The following RPS6KC1 variants were observed in gnomAD, a reference collection of about 807,000 sequenced individuals.
The protein encoded by RPS6KC1 is ribosomal protein S6 kinase C1, also known as inactive ribosomal protein S6 kinase delta-1.
In RPS6KC1, 54 loss-of-function variants were observed where a neutral mutation model predicts 103.8. That is an observed-to-expected ratio of 0.52 (90% CI 0.42 to 0.65). RPS6KC1 has a LOEUF of 0.65. RPS6KC1 is among the 30% of genes least tolerant of loss of function. RPS6KC1 has a pLI of 0.00. For synonymous variants in RPS6KC1, 439 were observed against 438.7 expected (o/e 1.00, Z -0.01); for missense variants, 1,151 against 1,253.8 (o/e 0.92, Z 1.24).
At chr1:213,338,582 T>C in the RPS6KC1 span, among the ~76,000 whole-genome samples, 2 of 152,140 alleles carry the variant, frequency 1.3e-5, no homozygotes, top group South Asian at 4.2e-4. Flanking sequence ...ATTATTTTCT[T>C]CTCCAAAAGA....
the RPS6KC1 span, among the ~76,000 whole-genome samples, chr1:213,310,441 CT>C: frequency 2.5e-4 from 38 of 151,890 alleles, no homozygotes; most frequent in Non-Finnish European, 3.7e-4. Context: ...GGCCTTTGCA[CT>C]TTTTTTTTCC....
chr1:213,856,236 C>T, the RPS6KC1 span, among the ~76,000 whole-genome samples: 1 of 151,958 alleles, frequency 6.6e-6, no homozygotes, highest in African/African-American at 2.4e-5. Flanking sequence ...GTGTCGGGTC[C>T]CTGTTAGACA....
At chr1:213,823,721 C>G in the RPS6KC1 span, among the ~76,000 whole-genome samples, 2 of 87,980 alleles carry the variant, frequency 2.3e-5, no homozygotes, top group Non-Finnish European at 5.1e-5. Context: ...TGTTGGCTAT[C>G]ACAGCCACAC....
the RPS6KC1 span, among the ~76,000 whole-genome samples, chr1:213,637,768 G>A: frequency 6.6e-6 from 1 of 151,914 alleles, no homozygotes; most frequent in Non-Finnish European, 1.5e-5. Context: ...TTTTATTTTA[G>A]CCATTCTAAT....
At chr1:213,687,449 G>C in the RPS6KC1 span, among the ~76,000 whole-genome samples, 2 of 152,046 alleles carry the variant, frequency 1.3e-5, no homozygotes, top group African/African-American at 4.8e-5. Context: ...CTTTTTAACA[G>C]CTTAAACACC....
chr1:213,631,018 G>A, the RPS6KC1 span, among the ~76,000 whole-genome samples: 1 of 152,164 alleles, frequency 6.6e-6, no homozygotes, highest in Non-Finnish European at 1.5e-5. Flanking sequence ...GCCAGGTGTG[G>A]GATATAATCT....
At chr1:213,769,016 G>A in the RPS6KC1 span, among the ~76,000 whole-genome samples, 2 of 152,200 alleles carry the variant, frequency 1.3e-5, no homozygotes, top group African/African-American at 2.4e-5. Context: ...CAACAAAAGC[G>A]GCAGGGACCT....
the RPS6KC1 span, among the ~76,000 whole-genome samples, chr1:213,495,789 A>G: frequency 2.6e-5 from 4 of 152,228 alleles, no homozygotes; most frequent in African/African-American, 9.6e-5. Context: ...TAACTCCAAA[A>G]TTAAGGAATA....
chr1:213,597,703 G>A, the RPS6KC1 span, among the ~76,000 whole-genome samples: 1 of 152,270 alleles, frequency 6.6e-6, no homozygotes, highest in Admixed American at 6.5e-5. Flanking sequence ...GCTTCTAAAC[G>A]CTTTAGGAGT....
the RPS6KC1 span, among the ~76,000 whole-genome samples, chr1:213,845,270 A>C: frequency 6.6e-6 from 1 of 152,020 alleles, no homozygotes; most frequent in African/African-American, 2.4e-5. Context: ...TCCCCCTTCT[A>C]CCCCAAAGTT....
At chr1:213,579,184 C>T in the RPS6KC1 span, among the ~76,000 whole-genome samples, 1 of 152,086 alleles carries the variant, frequency 6.6e-6, no homozygotes. Context: ...TTTTGCTCCT[C>T]CTTTGCCTTC....
chr1:213,332,361 C>G, the RPS6KC1 span, among the ~76,000 whole-genome samples: 788 of 152,304 alleles, frequency 5.2e-3, 6 homozygotes, highest in African/African-American at 0.018. Context: ...AATACCTTTT[C>G]TGCACTAGCT....
chr1:213,754,454 G>A, the RPS6KC1 span, among the ~76,000 whole-genome samples: 2 of 152,120 alleles, frequency 1.3e-5, no homozygotes, highest in East Asian at 1.9e-4. Context: ...GGGCCTGGGG[G>A]GAGGTGACTG....
chr1:213,239,830 T>C (rs2094310400), intron 10 of RPS6KC1, among the ~76,000 whole-genome samples: 1 of 152,240 alleles, frequency 6.6e-6, no homozygotes, highest in Non-Finnish European at 1.5e-5. Context: ...TAATCACTAC[T>C]GTTATAGCAG....
chr1:213,602,120 C>CTTTCTCTT, the RPS6KC1 span, among the ~76,000 whole-genome samples: 13 of 5,150 alleles, frequency 2.5e-3, no homozygotes, highest in Non-Finnish European at 4.1e-3. Context: ...TTCTTTCTTT[C>CTTTCTCTT]TCTTTCTTTC....
the RPS6KC1 span, among the ~76,000 whole-genome samples, chr1:213,634,046 G>A: frequency 6.6e-6 from 1 of 152,002 alleles, no homozygotes. Flanking sequence ...AAATATATAT[G>A]CACCCAATAA....
the RPS6KC1 span, among the ~76,000 whole-genome samples, chr1:213,718,629 A>G: frequency 6.6e-6 from 1 of 152,224 alleles, no homozygotes. Flanking sequence ...AGGGGAGACT[A>G]AGGCCCAAGG....
At chr1:213,361,420 G>A in the RPS6KC1 span, among the ~76,000 whole-genome samples, 2 of 152,248 alleles carry the variant, frequency 1.3e-5, no homozygotes, top group Non-Finnish European at 2.9e-5. Flanking sequence ...ACAGTATTAG[G>A]GTGTGAGCGA....
At chr1:213,323,422 G>A in the RPS6KC1 span, among the ~76,000 whole-genome samples, 5 of 152,154 alleles carry the variant, frequency 3.3e-5, no homozygotes, top group Admixed American at 2.0e-4. Context: ...AGTGGATCCT[G>A]GTGATGTATC....
Sources: allele counts gnomAD v4.1 joint callset (sites outside exome capture counted in the v4.1 genomes callset), GRCh38; gene constraint gnomAD v4.1.1; transcripts MANE v1.5; gene names NCBI Gene and HGNC (gene_info 2026-07-23, HGNC 2026-07-21).